PIWIL4: variants seen among roughly 807,000 people sequenced by gnomAD.
The protein encoded by PIWIL4 is piwi-like protein 4.
PIWIL4 carries 50 observed loss-of-function variants against 100.9 expected under a neutral mutation model. That is an observed-to-expected ratio of 0.50 (90% CI 0.39 to 0.63). PIWIL4 has a LOEUF of 0.63. Among genes scored for constraint, PIWIL4 ranks in the 20% least tolerant of loss-of-function variants. PIWIL4 has a pLI of 0.00. For missense variants in PIWIL4, 887 were observed against 1,043.3 expected (o/e 0.85, Z 2.06); for synonymous variants, 342 against 367.5 (o/e 0.93, Z 0.79).
At chr11:94,571,974 G>A (rs1473071136) in intron 2 of PIWIL4, among the ~76,000 whole-genome samples, 2 of 152,124 alleles carry the variant, frequency 1.3e-5, no homozygotes, top group African/African-American at 2.4e-5. Context: ...TTTAATGATC[G>A]CCATTCTAAC....
chr11:94,593,661 C>A lies in PIWIL4; in HGVS notation c.1150+20C>A. On this transcript the variant is annotated intron_variant, in intron 9 of 19. Transcript: ENST00000299001. ...TAACAGGTAATGTTTGTGTTTTATA[C>A]CTCTGTCAGGCTCCTGGATACAGGC... The A allele has an allele frequency of 1.2e-6, 2 of 1,611,882 alleles. No homozygotes were observed. The highest frequency in any genetic ancestry group is 1.7e-6 in the Non-Finnish European group (2 of 1,178,654).
intron 8 of PIWIL4, among the ~76,000 whole-genome samples, chr11:94,589,625 G>A (rs1948455321): frequency 6.6e-6 from 1 of 152,064 alleles, no homozygotes; most frequent in Non-Finnish European, 1.5e-5. Flanking sequence ...TGGCTCTGAT[G>A]TAATTGCCTC....
chr11:94,588,547 T>C (rs888459461), intron 7 of PIWIL4, among the ~76,000 whole-genome samples: 5 of 152,230 alleles, frequency 3.3e-5, no homozygotes, highest in Admixed American at 6.5e-5. Flanking sequence ...TGGTAGTTTC[T>C]GCCCCTAGGC....
At chr11:94,584,019 T>TC (rs1188333081) in intron 5 of PIWIL4, among the ~76,000 whole-genome samples, 9 of 152,132 alleles carry the variant, frequency 5.9e-5, no homozygotes, top group African/African-American at 2.2e-4. Flanking sequence ...CCCATTTCTT[T>TC]CCCCCACACC....
intron 2 of PIWIL4, among the ~76,000 whole-genome samples, chr11:94,572,990 G>A (rs1211309239): frequency 6.6e-6 from 1 of 152,156 alleles, no homozygotes; most frequent in Non-Finnish European, 1.5e-5. Context: ...AGTTCTCCTT[G>A]AAGAGGTCAT....
intron 5 of PIWIL4, among the ~76,000 whole-genome samples, chr11:94,584,833 G>C (rs1948376608): frequency 6.6e-6 from 1 of 152,184 alleles, no homozygotes; most frequent in Admixed American, 6.5e-5. Context: ...GGGAGGCAGA[G>C]GCGGGCAGAT....
Position 94,568,712 on chromosome 11 carries a change from T to A in PIWIL4, c.88-18T>A. 6.4e-7 allele frequency: 1 copy of A among 1,551,340 alleles called. No homozygotes were observed. The highest frequency in any genetic ancestry group is 8.9e-7 in the Non-Finnish European group (1 of 1,124,586). ...TTACCATTGTAAATCTGAACAAAAC[T>A]TTTTTTTGCCATTTTAGCCTAGATC... On this transcript the variant is annotated intron_variant, in intron 1 of 19. Coordinates refer to ENST00000299001, the MANE Select transcript of PIWIL4 (RefSeq NM_152431.3).
intron 2 of PIWIL4, 79 bp downstream of exon 2, chr11:94,568,887 G>A (rs1948111163): frequency 1.0e-5 from 13 of 1,239,392 alleles, no homozygotes; most frequent in Non-Finnish European, 1.3e-5. Flanking sequence ...CCTTACAGCA[G>A]TAGGCCCACC....
At chr11:94,586,993 A>G (rs1948409545) in intron 6 of PIWIL4, 57 bp from the exon 7 acceptor site, 1 of 1,363,000 alleles carries the variant, frequency 7.3e-7, no homozygotes, top group Non-Finnish European at 1.0e-6. Context: ...AAAAATCTTT[A>G]TTGTGTTTCC....
In PIWIL4 at chr11:94,619,894, C is replaced by A; in HGVS notation, c.2294+9C>A. ...GCAACACGTAACGAATGGCAAGTGC[C>A]GCTGGAAAATCAATTTTTAACAAAA... On this transcript the variant is annotated intron_variant, in intron 18 of 19. Coordinates refer to ENST00000299001, the MANE Select transcript of PIWIL4 (RefSeq NM_152431.3). 6.2e-7 allele frequency: 1 copy of A among 1,614,162 alleles called. No homozygotes were observed. Among genetic ancestry groups the A allele is most frequent in the South Asian group, 1.1e-5 (1 of 91,088 alleles).
At chr11:94,618,402 G>T (rs1009233534) in intron 17 of PIWIL4, among the ~76,000 whole-genome samples, 4 of 152,186 alleles carry the variant, frequency 2.6e-5, no homozygotes, top group African/African-American at 4.8e-5. Flanking sequence ...CTGCAGGGCT[G>T]CTGGCAGTGA....
At chr11:94,602,886 G>A (rs1405979384) in intron 12 of PIWIL4, among the ~76,000 whole-genome samples, 1 of 152,124 alleles carries the variant, frequency 6.6e-6, no homozygotes, top group African/African-American at 2.4e-5. Context: ...CTAAACCCAT[G>A]AGCTAATAAA....
At chr11:94,585,552 T>C (rs367632079) in intron 6 of PIWIL4, 27 bp downstream of exon 6, 1 of 1,508,840 alleles carries the variant, frequency 6.6e-7, no homozygotes, top group Non-Finnish European at 9.1e-7. Flanking sequence ...TTTCTGTTAC[T>C]CCGAAATTAT....
intron 10 of PIWIL4, 145 bp downstream of exon 10, chr11:94,595,571 T>A: frequency 1.5e-6 from 1 of 648,166 alleles, no homozygotes; most frequent in South Asian, 2.4e-5. Context: ...TCCACAGCCC[T>A]TCATCTGAGA....
intron 2 of PIWIL4, among the ~76,000 whole-genome samples, chr11:94,570,367 G>T (rs547736094): frequency 6.6e-6 from 1 of 151,864 alleles, no homozygotes; most frequent in Non-Finnish European, 1.5e-5. Flanking sequence ...ATCCAAGGCC[G>T]TCTTCTCCTT....
intron 15 of PIWIL4, among the ~76,000 whole-genome samples, chr11:94,614,770 A>C (rs1948828139): frequency 6.6e-6 from 1 of 152,122 alleles, no homozygotes; most frequent in Admixed American, 6.5e-5. Context: ...TTTTCTATTC[A>C]TGTGCCCACT....
chr11:94,590,809 C>A (rs1368360117), intron 8 of PIWIL4, among the ~76,000 whole-genome samples: 1 of 152,178 alleles, frequency 6.6e-6, no homozygotes, highest in East Asian at 1.9e-4. Context: ...CGTGGATCCC[C>A]TCCCACTACC....
At chr11:94,575,726 G>T (rs11020836) in intron 3 of PIWIL4, among the ~76,000 whole-genome samples, 1 of 151,984 alleles carries the variant, frequency 6.6e-6, no homozygotes, top group Non-Finnish European at 1.5e-5. Flanking sequence ...GAAACAATGC[G>T]TCTCTTCCTT....
At chr11:94,590,839 C>T (rs150770658) in intron 8 of PIWIL4, among the ~76,000 whole-genome samples, 30 of 152,270 alleles carry the variant, frequency 2.0e-4, no homozygotes, top group African/African-American at 6.7e-4. Context: ...TATGCCCTAG[C>T]TCTCTCCTCA....
Sources: gnomAD v4.1 joint callset for allele counts (sites outside exome capture counted in the v4.1 genomes callset) on GRCh38, gnomAD v4.1.1 for gene constraint, MANE v1.5 for transcripts, NCBI Gene and HGNC (gene_info 2026-07-23, HGNC 2026-07-21) for gene names.